Variants in NOX4 observed in about 807,000 individuals in gnomAD.
NOX4 encodes the protein NADPH oxidase 4, also known as kidney oxidase-1.
NOX4 carries 69 observed loss-of-function variants against 87.6 expected under a neutral mutation model. The observed-to-expected ratio is 0.79, with a 90% CI of 0.65 to 0.96. The LOEUF is 0.96. NOX4 is among the 40% of genes least tolerant of loss of function. The pLI, the probability that NOX4 is intolerant of heterozygous loss-of-function variation, is 0.00. For missense variants in NOX4, 680 were observed against 681.5 expected (o/e 1.00, Z 0.02); for synonymous variants, 275 against 238.2 (o/e 1.15, Z -1.42).
the NOX4 span, among the ~76,000 whole-genome samples, chr11:89,582,710 C>T: frequency 1.3e-5 from 2 of 152,214 alleles, no homozygotes; most frequent in Admixed American, 6.5e-5. Context: ...TAAAGTTTAA[C>T]GTTGAAACTC....
intron 2 of NOX4, among the ~76,000 whole-genome samples, chr11:89,481,070 A>G (rs1434682310): frequency 1.3e-5 from 2 of 151,966 alleles, no homozygotes; most frequent in Non-Finnish European, 2.9e-5. Context: ...ACATGTTCCT[A>G]CTGACGAGCA....
intron 2 of NOX4, among the ~76,000 whole-genome samples, chr11:89,476,887 T>A (rs1946190504): frequency 1.3e-5 from 2 of 152,124 alleles, no homozygotes; most frequent in African/African-American, 4.8e-5. Flanking sequence ...AGTCCTATGA[T>A]CCAATGCCAT....
intron 7 of NOX4, among the ~76,000 whole-genome samples, chr11:89,429,248 G>C (rs561366870): frequency 6.6e-6 from 1 of 152,120 alleles, no homozygotes; most frequent in Admixed American, 6.6e-5. Context: ...ATGTCCACAA[G>C]AGAAAGCAGG....
chr11:89,379,295 G>A (rs1338102156), intron 11 of NOX4, among the ~76,000 whole-genome samples: 2 of 151,800 alleles, frequency 1.3e-5, no homozygotes, highest in Non-Finnish European at 2.9e-5. Context: ...TGAGAAGTAA[G>A]CCCATCTTTT....
chr11:89,548,566 G>C, the NOX4 span: 5,520 of 152,354 alleles, frequency 0.036, 146 homozygotes, highest in Non-Finnish European at 0.053. Context: ...CTTGGAGAAT[G>C]AGGAAGGTGT....
In NOX4 at chr11:89,416,273, T is replaced by C. The variant is rs142376035; in HGVS notation, c.629+5629A>G. On this transcript the variant is annotated intron_variant, in intron 8 of 17. Transcript: ENST00000263317. ...GGAAAGTAAAAATTTTCTCCCTCAG[T>C]ACTAGAATAGGATTGTTTAAAATAC... 4.9e-4 allele frequency among the ~76,000 whole-genome samples: 74 copies of C among 152,274 alleles called. 3 individuals carry two copies. In the East Asian group the frequency reaches 0.014, roughly 29 times the overall value.
chr11:89,496,608 AAACC>A, upstream of NOX4, among the ~76,000 whole-genome samples: 1 of 152,160 alleles, frequency 6.6e-6, no homozygotes, highest in Non-Finnish European at 1.5e-5. Flanking sequence ...AAATAAATAC[AAACC>A]AACACAGACT....
intron 2 of NOX4, among the ~76,000 whole-genome samples, chr11:89,481,380 T>TGCTTAATG (rs1946384708): frequency 6.6e-6 from 1 of 151,648 alleles, no homozygotes; most frequent in Non-Finnish European, 1.5e-5. Flanking sequence ...GTTATCAATT[T>TGCTTAATG]GCTGAATGCC....
chr11:89,396,165 C>A (rs1215909985), intron 11 of NOX4, among the ~76,000 whole-genome samples: 1 of 152,008 alleles, frequency 6.6e-6, no homozygotes, highest in Non-Finnish European at 1.5e-5. Context: ...TTGTTTGTGT[C>A]CTCTTTTATT....
At chr11:89,350,059 T>C (rs1590988714) in intron 13 of NOX4, among the ~76,000 whole-genome samples, 1 of 152,358 alleles carries the variant, frequency 6.6e-6, no homozygotes, top group East Asian at 1.9e-4. Context: ...TTTTTATTCC[T>C]TTCCACTCAT....
chr11:89,488,777 T>A (rs1177154990), intron 2 of NOX4: 3 of 459,220 alleles, frequency 6.5e-6, no homozygotes, highest in Non-Finnish European at 7.6e-6. Context: ...CTGAAAAACG[T>A]CCTATTCATT....
intron 13 of NOX4, among the ~76,000 whole-genome samples, chr11:89,348,486 A>G (rs930153163): frequency 2.6e-5 from 4 of 151,692 alleles, no homozygotes; most frequent in Non-Finnish European, 5.9e-5. Context: ...GCCTGGTGGC[A>G]CACACCTGTG....
At position 89,340,126 on chromosome 11, in the gene NOX4, C is replaced by T. The variant is rs1275818655; in HGVS notation, c.1383G>A (p.Trp461Ter). The T allele has an allele frequency of 6.9e-6, 11 of 1,587,518 alleles. No individual in the cohort carries two copies. The highest frequency in any genetic ancestry group is 9.4e-6 in the Non-Finnish European group (11 of 1,171,100). ...PYKLRRLYFIWVCRDIQSFRW... is the reference protein window; with the variant it reads ...PYKLRRLYFI ...GGAAGGACTGGATATCTCTGCATAC[C>T]CAAATAAAGTATAGTCTTCTAAGCT... Residue 461 changes from tryptophan to a stop codon, truncating the protein, a stop_gained, in exon 15 of 18, where the codon TGG (tryptophan) becomes TGA (stop). Coordinates refer to ENST00000263317, the MANE Select transcript of NOX4 (RefSeq NM_016931.5). LOFTEE classifies it high-confidence loss of function.
intron 7 of NOX4, among the ~76,000 whole-genome samples, chr11:89,423,587 T>C (rs1943206961): frequency 6.6e-6 from 1 of 152,108 alleles, no homozygotes; most frequent in African/African-American, 2.4e-5. Context: ...GTTACTGAAG[T>C]TTAATTATTT....
At chr11:89,438,883 A>T (rs1309357836) in intron 6 of NOX4, among the ~76,000 whole-genome samples, 1 of 51,632 alleles carries the variant, frequency 1.9e-5, no homozygotes, top group South Asian at 5.6e-4. Context: ...ATAATATATA[A>T]TATATTATAT....
intron 11 of NOX4, among the ~76,000 whole-genome samples, chr11:89,380,569 C>A (rs1227485314): frequency 2.0e-5 from 3 of 151,826 alleles, no homozygotes; most frequent in African/African-American, 4.8e-5. Flanking sequence ...AAACAGGCAC[C>A]CAAAAATAAG....
In NOX4 at chr11:89,368,011, T is replaced by C. The variant is rs1357313975; in HGVS notation, c.1135+5421A>G. 3.9e-5 allele frequency among the ~76,000 whole-genome samples: 6 copies of C among 152,182 alleles called. No individual in the cohort carries two copies. The East Asian group carries it at 9.7e-4, about 25-fold the overall frequency. On this transcript the variant is annotated intron_variant, in intron 12 of 17. Coordinates refer to ENST00000263317, the MANE Select transcript of NOX4 (RefSeq NM_016931.5). The stretch of plus-strand genomic sequence containing the variant: ...CCCAAGTTTTCTTCCCAGAAACTTG[T>C]ACATCTTCCATTTGCTCCTGGAACT...
intron 13 of NOX4, among the ~76,000 whole-genome samples, chr11:89,346,145 C>A (rs2134934023): frequency 6.6e-6 from 1 of 152,216 alleles, no homozygotes; most frequent in South Asian, 2.1e-4. Context: ...AATGTTCAAG[C>A]TGAGAGCGAA....
At chr11:89,463,143 T>C (rs1945544845) in intron 2 of NOX4, among the ~76,000 whole-genome samples, 1 of 151,900 alleles carries the variant, frequency 6.6e-6, no homozygotes, top group Non-Finnish European at 1.5e-5. Context: ...AAAACAAAAA[T>C]AATTATGTAT....
Sources: gnomAD v4.1 joint callset for allele counts (sites outside exome capture counted in the v4.1 genomes callset) on GRCh38, gnomAD v4.1.1 for gene constraint, MANE v1.5 for transcripts, NCBI Gene and HGNC (gene_info 2026-07-23, HGNC 2026-07-21) for gene names.